The following FOXP2 variants were observed in gnomAD, a reference collection of about 807,000 sequenced individuals.
The protein encoded by FOXP2 is forkhead box protein P2.
Under a neutral mutation model 115.8 loss-of-function variants are expected in FOXP2, and 12 were observed. That is an observed-to-expected ratio of 0.10 (90% CI 0.07 to 0.17). FOXP2 has a LOEUF of 0.17. FOXP2 is among the 10% of genes least tolerant of loss of function. The probability of loss-of-function intolerance (pLI) is 1.00; values close to 1 mark genes in which losing one functional copy is unlikely to be tolerated. For synonymous variants in FOXP2, 328 were observed against 297.7 expected, an observed-to-expected ratio of 1.10 and a Z score of -1.05; for missense variants, 629 against 843.5, an observed-to-expected ratio of 0.75 and a Z score of 3.15.
chr7:114,086,573 C>G (rs927418819), upstream of FOXP2: 1 of 411,978 alleles, frequency 2.4e-6, no homozygotes, highest in East Asian at 1.1e-4. Flanking sequence ...GCCGCGGGTG[C>G]CACCTCCCGG....
At chr7:114,315,769 A>G (rs1797262682) in intron 2 of FOXP2, among the ~76,000 whole-genome samples, 1 of 152,116 alleles carries the variant, frequency 6.6e-6, no homozygotes, top group Non-Finnish European at 1.5e-5. Flanking sequence ...TTCCTGTAAG[A>G]CCCTGGTCAG....
intron 2 of FOXP2, among the ~76,000 whole-genome samples, chr7:114,434,872 C>T (rs1482878604): frequency 1.3e-5 from 2 of 152,060 alleles, no homozygotes; most frequent in African/African-American, 4.8e-5. Flanking sequence ...AATACAAAGG[C>T]CATTCTTTCC....
chr7:114,108,765 A>G (rs1256101324), intron 1 of FOXP2, among the ~76,000 whole-genome samples: 1 of 151,932 alleles, frequency 6.6e-6, no homozygotes, highest in Non-Finnish European at 1.5e-5. Flanking sequence ...GGTAAATGAC[A>G]GTTTCTCACA....
chr7:114,159,227 C>A (rs995074822), upstream of FOXP2, among the ~76,000 whole-genome samples: 1 of 151,848 alleles, frequency 6.6e-6, no homozygotes, highest in African/African-American at 2.4e-5. Flanking sequence ...ATCATGCAAA[C>A]CAAAGGAAGA....
At chr7:114,680,709 C>A (rs565622919) in intron 16 of FOXP2, among the ~76,000 whole-genome samples, 97 of 150,414 alleles carry the variant, frequency 6.4e-4, no homozygotes, top group Non-Finnish European at 1.2e-3. Context: ...CGTGCCACTG[C>A]ACTCCAGCCT....
At chr7:114,257,121 A>C (rs534359477) in intron 1 of FOXP2, among the ~76,000 whole-genome samples, 3 of 152,224 alleles carry the variant, frequency 2.0e-5, no homozygotes, top group Non-Finnish European at 4.4e-5. Flanking sequence ...AAGAGAATAG[A>C]GAACTCAGAA....
chr7:114,264,577 AG>A (rs1398263574), intron 1 of FOXP2, among the ~76,000 whole-genome samples: 2 of 152,214 alleles, frequency 1.3e-5, no homozygotes, highest in Non-Finnish European at 1.5e-5. Flanking sequence ...TATTACCTGT[AG>A]TACTTTATTT....
chr7:114,208,088 A>G (rs1248582019), intron 1 of FOXP2, among the ~76,000 whole-genome samples: 1 of 152,184 alleles, frequency 6.6e-6, no homozygotes, highest in Non-Finnish European at 1.5e-5. Context: ...GACACCTTTC[A>G]CTGTGTACCT....
chr7:114,490,189 A>G (rs2129243108), intron 2 of FOXP2, among the ~76,000 whole-genome samples: 1 of 152,296 alleles, frequency 6.6e-6, no homozygotes, highest in East Asian at 1.9e-4. Context: ...CAATAGATAA[A>G]TAGATAAATT....
intron 1 of FOXP2, among the ~76,000 whole-genome samples, chr7:114,209,760 C>T (rs1398283267): frequency 2.6e-5 from 4 of 152,132 alleles, no homozygotes; most frequent in African/African-American, 4.8e-5. Context: ...TTGTTTCATT[C>T]TCCCTGTCTC....
chr7:114,617,219 C>A (rs1803997834), intron 3 of FOXP2, among the ~76,000 whole-genome samples: 1 of 152,230 alleles, frequency 6.6e-6, no homozygotes, highest in Non-Finnish European at 1.5e-5. Flanking sequence ...TTCCTGTATT[C>A]TTTACCATCA....
intron 2 of FOXP2, among the ~76,000 whole-genome samples, chr7:114,306,745 TG>T: frequency 6.6e-6 from 1 of 152,216 alleles, no homozygotes; most frequent in Non-Finnish European, 1.5e-5. Context: ...AGGAAGACCA[TG>T]TTTTTTTTTC....
chr7:114,504,566 A>G (rs1229330283), intron 2 of FOXP2, among the ~76,000 whole-genome samples: 2 of 151,730 alleles, frequency 1.3e-5, no homozygotes, highest in Non-Finnish European at 3.0e-5. Flanking sequence ...TGTTTATAAT[A>G]CATTTCATCT....
intron 3 of FOXP2, among the ~76,000 whole-genome samples, chr7:114,580,619 A>G (rs553117193): frequency 3.3e-5 from 5 of 152,244 alleles, no homozygotes; most frequent in African/African-American, 1.2e-4. Flanking sequence ...GAAAACAAGA[A>G]AGAAAAGAAA....
chr7:114,459,357 C>T (rs1795460665), intron 2 of FOXP2, among the ~76,000 whole-genome samples: 1 of 152,062 alleles, frequency 6.6e-6, no homozygotes, highest in African/African-American at 2.4e-5. Flanking sequence ...AAATAAAAAC[C>T]CCTGACGATG....
At chr7:114,511,703 TGAA>T (rs1165032670) in intron 2 of FOXP2, among the ~76,000 whole-genome samples, 5 of 152,290 alleles carry the variant, frequency 3.3e-5, no homozygotes, top group Non-Finnish European at 5.9e-5. Flanking sequence ...ATAACTTTAA[TGAA>T]GGATATTCAT....
At chr7:114,527,464 G>T (rs1234962452) in intron 2 of FOXP2, among the ~76,000 whole-genome samples, 1 of 151,628 alleles carries the variant, frequency 6.6e-6, no homozygotes, top group African/African-American at 2.4e-5. Context: ...AAAGTATTCT[G>T]CAGTTTGGGG....
chr7:114,188,239 G>A (rs1046949016), intron 1 of FOXP2, among the ~76,000 whole-genome samples: 16 of 152,246 alleles, frequency 1.1e-4, no homozygotes, highest in Admixed American at 4.6e-4. Flanking sequence ...AATAAAATAC[G>A]AACATCTTAC....
chr7:114,197,567 G>A (rs998477405), intron 1 of FOXP2, among the ~76,000 whole-genome samples: 1 of 152,108 alleles, frequency 6.6e-6, no homozygotes, highest in African/African-American at 2.4e-5. Context: ...GGGAGTTAAG[G>A]TTTCAACTTG....
Sources: allele counts gnomAD v4.1 joint callset (sites outside exome capture counted in the v4.1 genomes callset), GRCh38; gene constraint gnomAD v4.1.1; transcripts MANE v1.5; gene names NCBI Gene and HGNC (gene_info 2026-07-23, HGNC 2026-07-21).